The following KLF12 variants were observed in gnomAD, a reference collection of about 807,000 sequenced individuals.
KLF12 encodes the protein Krueppel-like factor 12.
In KLF12, 9 loss-of-function variants were observed where a neutral mutation model predicts 37.8. That is an observed-to-expected ratio of 0.24 (90% confidence interval 0.14 to 0.42). KLF12 has a LOEUF of 0.42. Ranked by LOEUF, KLF12 falls within the 10% of genes least tolerant of loss-of-function variation. The probability of loss-of-function intolerance (pLI) is 1.00; values close to 1 mark genes in which losing one functional copy is unlikely to be tolerated. For missense variants in KLF12, 411 were observed against 516.0 expected, an observed-to-expected ratio of 0.80 and a Z score of 1.97; for synonymous variants, 208 against 202.1, an observed-to-expected ratio of 1.03 and a Z score of -0.25.
chr13:73,982,727 C>T (rs1157317200), intron 2 of KLF12, among the ~76,000 whole-genome samples: 1 of 152,164 alleles, frequency 6.6e-6, no homozygotes, highest in Non-Finnish European at 1.5e-5. Context: ...AGATATCAGC[C>T]TAGCCATGGA....
At chr13:73,976,165 C>T (rs1363648897) in intron 2 of KLF12, among the ~76,000 whole-genome samples, 1 of 150,466 alleles carries the variant, frequency 6.6e-6, no homozygotes, top group Non-Finnish European at 1.5e-5. Flanking sequence ...TTTTTTTTCC[C>T]CCCACAGCTG....
At chr13:74,192,041 A>G in the KLF12 span, among the ~76,000 whole-genome samples, 1 of 152,114 alleles carries the variant, frequency 6.6e-6, no homozygotes, top group East Asian at 1.9e-4. Flanking sequence ...CTCAACAGTC[A>G]CATTCAAACT....
intron 2 of KLF12, among the ~76,000 whole-genome samples, chr13:73,962,467 C>T (rs1465807399): frequency 6.6e-6 from 1 of 152,178 alleles, no homozygotes; most frequent in Non-Finnish European, 1.5e-5. Flanking sequence ...AGCCCTATTG[C>T]AGACTATGGA....
chr13:73,939,295 A>C (rs949880122), intron 3 of KLF12, among the ~76,000 whole-genome samples: 2 of 152,232 alleles, frequency 1.3e-5, no homozygotes, highest in African/African-American at 4.8e-5. Context: ...TTTTATTTAG[A>C]GAGCTCATCT....
chr13:74,031,161 C>A, intron 1 of KLF12, among the ~76,000 whole-genome samples: 1 of 152,098 alleles, frequency 6.6e-6, no homozygotes, highest in East Asian at 1.9e-4. Flanking sequence ...CATCTTTTTG[C>A]TCTTTGGAAA....
chr13:73,952,933 AGAG>A (rs1468523973), intron 2 of KLF12, among the ~76,000 whole-genome samples: 1 of 152,222 alleles, frequency 6.6e-6, no homozygotes, highest in East Asian at 1.9e-4. Context: ...GTGGGAAGAA[AGAG>A]GAGGAAAAAT....
chr13:74,004,506 A>C (rs1157904222), intron 1 of KLF12, among the ~76,000 whole-genome samples: 1 of 152,210 alleles, frequency 6.6e-6, no homozygotes, highest in African/African-American at 2.4e-5. Flanking sequence ...ACTGTAACTT[A>C]AATGATTCTT....
chr13:73,851,713 T>C (rs1187570483), intron 3 of KLF12, among the ~76,000 whole-genome samples: 1 of 152,202 alleles, frequency 6.6e-6, no homozygotes, highest in African/African-American at 2.4e-5. Context: ...TTACATAAAT[T>C]TCACTGTGTG....
intron 1 of KLF12, among the ~76,000 whole-genome samples, chr13:74,111,070 T>C (rs971161904): frequency 6.3e-4 from 95 of 151,870 alleles, no homozygotes; most frequent in African/African-American, 2.2e-3. Flanking sequence ...GGAGAACTGC[T>C]TGAACCCAGG....
chr13:74,185,193 T>C, the KLF12 span, among the ~76,000 whole-genome samples: 1 of 152,228 alleles, frequency 6.6e-6, no homozygotes, highest in South Asian at 2.1e-4. Context: ...TGTTGCGAAA[T>C]AAACTATAAC....
Position 73,782,696 on chromosome 13 carries a change from G to C in KLF12, c.807-17696C>G, listed in dbSNP as rs149102239. ...GTTGAACCGACCATACTAATTATCTGCTGATTAGGAAGTATGACCCAGTGG... is the reference window on the plus strand; with the variant it reads ...GTTGAACCGACCATACTAATTATCTCCTGATTAGGAAGTATGACCCAGTGG... On this transcript the variant is annotated intron_variant, in intron 5 of 7. Coordinates refer to ENST00000377669, the MANE Select transcript of KLF12 (RefSeq NM_007249.5). Among the ~76,000 whole-genome samples the C allele has an allele frequency of 4.0e-3, 615 of 152,316 alleles. 4 individuals carry two copies. The highest frequency in any genetic ancestry group is 0.014 in the African/African-American group (593 of 41,554).
At chr13:73,941,950 A>T (rs1890206448) in intron 3 of KLF12, among the ~76,000 whole-genome samples, 1 of 152,202 alleles carries the variant, frequency 6.6e-6, no homozygotes, top group South Asian at 2.1e-4. Flanking sequence ...TTTCATGAAC[A>T]GGCATTAGGC....
the KLF12 span, among the ~76,000 whole-genome samples, chr13:74,220,938 T>C: frequency 6.6e-6 from 1 of 152,170 alleles, no homozygotes; most frequent in East Asian, 1.9e-4. Flanking sequence ...TTTTCAGTTG[T>C]TCTGATTTGT....
At chr13:73,989,789 A>T (rs1891917119) in intron 2 of KLF12, among the ~76,000 whole-genome samples, 1 of 152,202 alleles carries the variant, frequency 6.6e-6, no homozygotes, top group African/African-American at 2.4e-5. Context: ...ACCAAAAGCC[A>T]GAGAGAAATG....
At chr13:73,983,374 C>A (rs1443328483) in intron 2 of KLF12, among the ~76,000 whole-genome samples, 1 of 152,174 alleles carries the variant, frequency 6.6e-6, no homozygotes, top group Non-Finnish European at 1.5e-5. Flanking sequence ...CCTTTCACTA[C>A]CCATCCCATT....
chr13:74,287,349 TGAGAGAGAGAGAGA>T, the KLF12 span, among the ~76,000 whole-genome samples: 24 of 71,896 alleles, frequency 3.3e-4, no homozygotes, highest in East Asian at 3.8e-3. Flanking sequence ...CTATCAAAGT[TGAGAGAGAGAGAGA>T]GAGAGAGAGA....
Position 73,840,109 on chromosome 13 carries a change from C to T in KLF12, c.670+5718G>A, listed in dbSNP as rs150749590. 5.4e-3 allele frequency among the ~76,000 whole-genome samples: 826 copies of T among 152,288 alleles called. 1 individual carries two copies. The highest frequency in any genetic ancestry group is 0.018 in the African/African-American group (746 of 41,568). The stretch of plus-strand genomic sequence containing the variant: ...ACTGCAGGTCAGTGTCAACGATGAA[C>T]ACTCCCTCGCCAAATGCACAATTCT... On this transcript the variant is annotated intron_variant, in intron 4 of 7. Coordinates refer to ENST00000377669, the MANE Select transcript of KLF12 (RefSeq NM_007249.5).
intron 1 of KLF12, among the ~76,000 whole-genome samples, chr13:74,105,572 G>A (rs191653343): frequency 5.9e-5 from 9 of 152,136 alleles, no homozygotes; most frequent in South Asian, 2.1e-4. Context: ...GTAGAGAAGA[G>A]GGGAAAAGAT....
chr13:74,200,319 C>T, the KLF12 span, among the ~76,000 whole-genome samples: 1 of 152,008 alleles, frequency 6.6e-6, no homozygotes, highest in Non-Finnish European at 1.5e-5. Flanking sequence ...AGAGAAAAAG[C>T]TATATGTTTA....
Sources: allele counts gnomAD v4.1 joint callset (sites outside exome capture counted in the v4.1 genomes callset), GRCh38; gene constraint gnomAD v4.1.1; transcripts MANE v1.5; gene names NCBI Gene and HGNC (gene_info 2026-07-23, HGNC 2026-07-21).